The following ROBO1 variants were observed in gnomAD, a reference collection of about 807,000 sequenced individuals.
ROBO1 encodes the protein roundabout guidance receptor 1, also known as roundabout homolog 1.
ROBO1 carries 149 observed loss-of-function variants against 195.9 expected under a neutral mutation model. The ratio of observed to expected loss-of-function variants is 0.76; its 90% CI spans 0.67 to 0.87. The LOEUF is 0.87. ROBO1 is among the 40% of genes least tolerant of loss of function. ROBO1 has a pLI of 0.00. For synonymous variants in ROBO1, 816 were observed against 733.2 expected, an observed-to-expected ratio of 1.11 and a Z score of -1.82; for missense variants, 1,933 against 2,068.3, an observed-to-expected ratio of 0.93 and a Z score of 1.27.
Position 79,706,220 on chromosome 3 carries a change from C to T in ROBO1, c.-51+61532G>A, listed in dbSNP as rs536864709. Among the ~76,000 whole-genome samples, 26 of 152,114 alleles carry T rather than the reference C, an allele frequency of 1.7e-4. No homozygotes were observed. In the South Asian group the frequency reaches 4.8e-3, roughly 28 times the overall value. On this transcript the variant is annotated intron_variant, in intron 1 of 30. Coordinates refer to ENST00000464233, the MANE Select transcript of ROBO1 (RefSeq NM_002941.4). ...GAAGTGGTGGGAATGGGCATCATTG[C>T]TTTATTTCTGATCTTAACTGGAAAG...
At chr3:79,665,120 T>G (rs1052360935) in intron 1 of ROBO1, among the ~76,000 whole-genome samples, 1 of 151,946 alleles carries the variant, frequency 6.6e-6, no homozygotes, top group African/African-American at 2.4e-5. Flanking sequence ...ATATTTTGCA[T>G]ATGGTTTAAA....
At chr3:79,200,738 A>G (rs1388269391) in intron 2 of ROBO1, among the ~76,000 whole-genome samples, 1 of 151,916 alleles carries the variant, frequency 6.6e-6, no homozygotes, top group East Asian at 1.9e-4. Context: ...TGAGATAACC[A>G]AACAATGTTT....
At chr3:79,421,933 T>C (rs2038239953) in intron 2 of ROBO1, among the ~76,000 whole-genome samples, 1 of 151,860 alleles carries the variant, frequency 6.6e-6, no homozygotes, top group Non-Finnish European at 1.5e-5. Flanking sequence ...TTCAGGGCCA[T>C]ATTTATTTGT....
intron 4 of ROBO1, among the ~76,000 whole-genome samples, chr3:78,784,013 G>A (rs1430294140): frequency 6.6e-6 from 1 of 152,034 alleles, no homozygotes; most frequent in African/African-American, 2.4e-5. Flanking sequence ...TAAGGTAAAA[G>A]TGATTGTTAG....
chr3:79,158,519 C>T (rs2080897918), intron 2 of ROBO1, among the ~76,000 whole-genome samples: 1 of 151,442 alleles, frequency 6.6e-6, no homozygotes, highest in African/African-American at 2.4e-5. Flanking sequence ...ATATTCCCTA[C>T]TCCAAGTTGT....
chr3:78,942,322 T>G (rs146151707), intron 3 of ROBO1, among the ~76,000 whole-genome samples: 1 of 151,898 alleles, frequency 6.6e-6, no homozygotes, highest in Non-Finnish European at 1.5e-5. Flanking sequence ...GGAAGAAACC[T>G]GAGAGCCAGA....
intron 2 of ROBO1, among the ~76,000 whole-genome samples, chr3:79,427,242 T>C (rs756951525): frequency 7.2e-5 from 11 of 152,212 alleles, no homozygotes; most frequent in Non-Finnish European, 1.3e-4. Flanking sequence ...ACAACTATTG[T>C]ACGCACATCC....
intron 5 of ROBO1, among the ~76,000 whole-genome samples, chr3:78,724,844 CACAA>C (rs996447180): frequency 3.0e-4 from 45 of 152,244 alleles, no homozygotes; most frequent in African/African-American, 1.1e-3. Context: ...ATATGTCTAA[CACAA>C]ACAAAACACT....
chr3:79,450,750 C>T (rs1019351854), intron 2 of ROBO1, among the ~76,000 whole-genome samples: 5 of 151,724 alleles, frequency 3.3e-5, no homozygotes, highest in African/African-American at 1.2e-4. Context: ...TAAATAATTT[C>T]TTATATTAAC....
chr3:78,774,465 C>G (rs2083455167), intron 4 of ROBO1, among the ~76,000 whole-genome samples: 1 of 152,122 alleles, frequency 6.6e-6, no homozygotes, highest in African/African-American at 2.4e-5. Context: ...CGCCTGCCAC[C>G]ACGCCCAGCT....
intron 4 of ROBO1, among the ~76,000 whole-genome samples, chr3:78,859,661 A>G (rs972400174): frequency 4.6e-5 from 7 of 152,216 alleles, no homozygotes; most frequent in African/African-American, 1.7e-4. Context: ...AATTAGAAAT[A>G]AAAACAATAA....
intron 4 of ROBO1, among the ~76,000 whole-genome samples, chr3:78,858,578 A>G (rs1469673400): frequency 6.6e-6 from 1 of 151,700 alleles, no homozygotes; most frequent in East Asian, 1.9e-4. Context: ...AAAAAAAAAA[A>G]AAAAAAAGGA....
chr3:79,334,960 A>AG (rs2034603822), intron 2 of ROBO1, among the ~76,000 whole-genome samples: 1 of 152,070 alleles, frequency 6.6e-6, no homozygotes, highest in African/African-American at 2.4e-5. Context: ...ACAAAAAAAA[A>AG]AAATTAATTA....
chr3:79,502,617 C>T (rs542388567), intron 2 of ROBO1, among the ~76,000 whole-genome samples: 118 of 152,282 alleles, frequency 7.7e-4, no homozygotes, highest in African/African-American at 2.8e-3. Flanking sequence ...GCGCACAGCG[C>T]GGGACTGGCG....
In ROBO1 at chr3:79,172,304, C is replaced by A. The variant is rs143469908; in HGVS notation, c.89-46765G>T. ...TATCATTGCAGGTTATTATGAGTGA[C>A]TATAAATGCATACAAACAAATACAT... On this transcript the variant is annotated intron_variant, in intron 2 of 30. Transcript: ENST00000464233. 4.3e-3 allele frequency among the ~76,000 whole-genome samples: 651 copies of A among 152,290 alleles called. 4 individuals are homozygous for A. The highest frequency in any genetic ancestry group is 0.015 in the African/African-American group (620 of 41,562).
chr3:79,601,216 A>G (rs983037769), intron 1 of ROBO1, among the ~76,000 whole-genome samples: 11 of 152,152 alleles, frequency 7.2e-5, no homozygotes, highest in African/African-American at 2.6e-4. Context: ...AAGCACCAAC[A>G]GTGCAGAGGC....
intron 1 of ROBO1, among the ~76,000 whole-genome samples, chr3:79,649,799 G>T (rs1181687133): frequency 6.6e-6 from 1 of 151,940 alleles, no homozygotes; most frequent in East Asian, 1.9e-4. Context: ...ACTTCCTGGG[G>T]CCCAGAGAGA....
intron 28 of ROBO1, among the ~76,000 whole-genome samples, chr3:78,607,840 C>G (rs540477897): frequency 6.6e-6 from 1 of 152,234 alleles, no homozygotes; most frequent in African/African-American, 2.4e-5. Context: ...GCTACTGTGT[C>G]ATCTCAAACC....
intron 1 of ROBO1, among the ~76,000 whole-genome samples, chr3:79,760,329 A>G (rs554286601): frequency 3.6e-4 from 54 of 149,640 alleles, no homozygotes; most frequent in African/African-American, 1.2e-3. Context: ...TTCACCATAA[A>G]GATTGGTTTC....
Sources: allele counts gnomAD v4.1 joint callset (sites outside exome capture counted in the v4.1 genomes callset), GRCh38; gene constraint gnomAD v4.1.1; transcripts MANE v1.5; gene names NCBI Gene and HGNC (gene_info 2026-07-23, HGNC 2026-07-21).